The following FHIT variants were observed in gnomAD, a reference collection of about 807,000 sequenced individuals.
FHIT encodes bis(5'-adenosyl)-triphosphatase.
A neutral mutation model predicts 17.9 loss-of-function variants in FHIT; 19 were observed. The observed-to-expected ratio is 1.06, with a 90% confidence interval of 0.74 to 1.56. The LOEUF (loss-of-function observed/expected upper bound fraction) is 1.56. Ranked by LOEUF, FHIT falls within the 40% of genes most tolerant of loss-of-function variation. FHIT has a pLI of 0.00. For synonymous variants in FHIT, 81 were observed against 69.7 expected, an observed-to-expected ratio of 1.16 and a Z score of -0.81; for missense variants, 248 against 189.2, an observed-to-expected ratio of 1.31 and a Z score of -1.82.
At chr3:59,971,372 G>A (rs963302248) in intron 7 of FHIT, among the ~76,000 whole-genome samples, 1 of 152,130 alleles carries the variant, frequency 6.6e-6, no homozygotes, top group African/African-American at 2.4e-5. Context: ...GCCTTATAAT[G>A]AGGATTCCAT....
rs1280709440 is a variant in FHIT at position 59,814,018 on chromosome 3, T to A, written c.349-61697A>T. On this transcript the variant is annotated intron_variant, in intron 8 of 9. Transcript: ENST00000492590. The stretch of plus-strand genomic sequence containing the variant: ...TTCTAAAAGGACGGATTCATCCGAC[T>A]GCCCTCTATGTAAAAAAATTTACAC... 3.0e-4 allele frequency among the ~76,000 whole-genome samples: 44 copies of A among 145,390 alleles called. 1 individual carries two copies. Among genetic ancestry groups the A allele is most frequent in the Admixed American group, 2.8e-3 (40 of 14,432 alleles).
intron 8 of FHIT, among the ~76,000 whole-genome samples, chr3:59,810,525 A>C (rs1182747260): frequency 6.6e-6 from 1 of 152,242 alleles, no homozygotes; most frequent in African/African-American, 2.4e-5. Context: ...TAGAATAAGA[A>C]ATAACTTACC....
intron 4 of FHIT, among the ~76,000 whole-genome samples, chr3:60,804,471 G>A (rs1204853571): frequency 6.6e-6 from 1 of 152,154 alleles, no homozygotes; most frequent in East Asian, 1.9e-4. Context: ...CCATTCATTA[G>A]TAATTGGCAA....
chr3:60,219,359 G>T (rs1282998304), intron 5 of FHIT, among the ~76,000 whole-genome samples: 2 of 151,982 alleles, frequency 1.3e-5, no homozygotes, highest in African/African-American at 2.4e-5. Flanking sequence ...TTTCATCTGT[G>T]TAACAAGTAT....
rs1297096305 is a variant in FHIT at position 60,642,133 on chromosome 3, T to C, written c.-17-105154A>G. ...CTCTCTGCCCATTGCCTGGTCTCTT[T>C]CCAGTACCTCCCATTGACCAAGCCC... On this transcript the variant is annotated intron_variant, in intron 4 of 9. Transcript: ENST00000492590. 2.0e-5 allele frequency among the ~76,000 whole-genome samples: 3 copies of C among 151,842 alleles called. No individual in the cohort carries two copies. The East Asian group carries it at 5.8e-4, about 29-fold the overall frequency.
chr3:59,838,838 G>T (rs564881409), intron 8 of FHIT, among the ~76,000 whole-genome samples: 1 of 152,106 alleles, frequency 6.6e-6, no homozygotes, highest in South Asian at 2.1e-4. Context: ...ATTTGGCAAA[G>T]GTGCCTTTGA....
At chr3:60,237,504 G>C (rs1559752019) in intron 5 of FHIT, among the ~76,000 whole-genome samples, 1 of 152,126 alleles carries the variant, frequency 6.6e-6, no homozygotes, top group Admixed American at 6.5e-5. Flanking sequence ...CAGGGACCTT[G>C]ATGAGTGTCT....
rs536000752 is a variant in FHIT at position 60,384,266 on chromosome 3, TAA to T, written c.103+152592_103+152593del. Reference sequence around the variant, plus strand: ...CTGGTGACAGACCAAGACTCCGTCTTAAAAAAAAAAAAAAAAATTGGAGATAA... The same window carrying T: ...CTGGTGACAGACCAAGACTCCGTCTTAAAAAAAAAAAAAAATTGGAGATAA... On this transcript the variant is annotated intron_variant, in intron 5 of 9. Transcript: ENST00000492590. Among the ~76,000 whole-genome samples the T allele has an allele frequency of 1.1e-3, 149 of 138,004 alleles. 1 individual carries two copies. The highest frequency in any genetic ancestry group is 3.5e-3 in the African/African-American group (131 of 37,370). The allele number at this position is 138,004 out of a possible 152,430, so 90.5% of individuals were successfully genotyped here. A position where few individuals can be genotyped will look rare whatever the true frequency, so the allele number is the denominator to read the frequency against.
intron 8 of FHIT, among the ~76,000 whole-genome samples, chr3:59,802,438 A>AAAAG (rs1471568585): frequency 1.3e-5 from 2 of 152,180 alleles, no homozygotes; most frequent in Admixed American, 6.5e-5. Context: ...GAAGAATCAC[A>AAAAG]AAAGAAGTGA....
chr3:60,554,048 C>T (rs371106202), intron 4 of FHIT, among the ~76,000 whole-genome samples: 21 of 151,870 alleles, frequency 1.4e-4, no homozygotes, highest in Admixed American at 1.3e-4. Context: ...GATTGTGCTG[C>T]GCCACTGCAC....
intron 5 of FHIT, among the ~76,000 whole-genome samples, chr3:60,265,366 T>C (rs573709981): frequency 6.6e-6 from 1 of 152,106 alleles, no homozygotes; most frequent in East Asian, 1.9e-4. Context: ...CAAGTGGATA[T>C]CTACACACAA....
At chr3:60,262,123 T>A (rs1706335147) in intron 5 of FHIT, among the ~76,000 whole-genome samples, 1 of 152,094 alleles carries the variant, frequency 6.6e-6, no homozygotes, top group African/African-American at 2.4e-5. Flanking sequence ...CTCCGGTTAA[T>A]CTGTCTTTTG....
intron 1 of FHIT, among the ~76,000 whole-genome samples, chr3:61,209,423 G>T (rs982354339): frequency 1.3e-5 from 2 of 152,168 alleles, no homozygotes; most frequent in Admixed American, 6.5e-5. Flanking sequence ...TTCCAACTTG[G>T]TTCCATTCTC....
intron 8 of FHIT, among the ~76,000 whole-genome samples, chr3:59,872,463 G>A (rs1394363152): frequency 2.0e-5 from 3 of 152,086 alleles, no homozygotes; most frequent in Non-Finnish European, 4.4e-5. Context: ...AGAAGACAAC[G>A]GCTTTGGTAA....
At chr3:60,949,127 T>C (rs1708765669) in intron 3 of FHIT, among the ~76,000 whole-genome samples, 1 of 152,192 alleles carries the variant, frequency 6.6e-6, no homozygotes, top group African/African-American at 2.4e-5. Context: ...GTAATGTTCT[T>C]AGCAAGTTCC....
intron 3 of FHIT, among the ~76,000 whole-genome samples, chr3:61,014,714 A>C (rs1419036808): frequency 2.1e-5 from 3 of 141,538 alleles, no homozygotes; most frequent in African/African-American, 8.1e-5. Flanking sequence ...CAGGAGGCGG[A>C]GCTTGCAGTG....
intron 8 of FHIT, among the ~76,000 whole-genome samples, chr3:59,773,185 G>T (rs1469907505): frequency 2.0e-5 from 3 of 152,178 alleles, no homozygotes; most frequent in African/African-American, 4.8e-5. Flanking sequence ...AAGCACACTA[G>T]CTGACAAGCA....
At chr3:60,643,529 C>T (rs2039779535) in intron 4 of FHIT, among the ~76,000 whole-genome samples, 1 of 152,122 alleles carries the variant, frequency 6.6e-6, no homozygotes. Flanking sequence ...CTTAACTGTA[C>T]CAAGCTAAAT....
At chr3:60,896,300 C>A (rs1313594555) in intron 3 of FHIT, among the ~76,000 whole-genome samples, 1 of 152,150 alleles carries the variant, frequency 6.6e-6, no homozygotes, top group East Asian at 1.9e-4. Flanking sequence ...AAGAGCTGGG[C>A]ACTCAGTGTG....
Sources: allele counts gnomAD v4.1 joint callset (sites outside exome capture counted in the v4.1 genomes callset), GRCh38; gene constraint gnomAD v4.1.1; transcripts MANE v1.5; gene names NCBI Gene and HGNC (gene_info 2026-07-23, HGNC 2026-07-21).